PALM2AKAP2: variants seen among roughly 807,000 people sequenced by gnomAD.
PALM2AKAP2 encodes PALM2-AKAP2 fusion protein.
A neutral mutation model predicts 71.5 loss-of-function variants in PALM2AKAP2; 37 were observed. That is an observed-to-expected ratio of 0.52 (90% CI 0.40 to 0.68). The LOEUF is 0.68. Among genes scored for constraint, PALM2AKAP2 ranks in the 30% least tolerant of loss-of-function variants. The pLI is 0.00. For missense variants in PALM2AKAP2, 1,224 were observed against 1,191.8 expected, an observed-to-expected ratio of 1.03 and a Z score of -0.40; for synonymous variants, 468 against 478.8, an observed-to-expected ratio of 0.98 and a Z score of 0.29.
At chr9:109,786,807 A>C (rs1232656138) in intron 1 of PALM2AKAP2, among the ~76,000 whole-genome samples, 1 of 152,068 alleles carries the variant, frequency 6.6e-6, no homozygotes, top group Non-Finnish European at 1.5e-5. Flanking sequence ...TGGAAAAAAA[A>C]AGTCATCATA....
chr9:109,893,908 CA>C (rs1169834834), intron 3 of PALM2AKAP2, among the ~76,000 whole-genome samples: 2 of 151,966 alleles, frequency 1.3e-5, no homozygotes, highest in Non-Finnish European at 2.9e-5. Flanking sequence ...TGCAGCAAGC[CA>C]CCATGGTACA....
intron 1 of PALM2AKAP2, among the ~76,000 whole-genome samples, chr9:109,687,446 C>T (rs1414855296): frequency 2.0e-5 from 3 of 152,220 alleles, no homozygotes. Flanking sequence ...GCACTTGCTA[C>T]TTTGTCTTGC....
chr9:109,935,269 A>G (rs1424634178), intron 6 of PALM2AKAP2, among the ~76,000 whole-genome samples: 3 of 152,232 alleles, frequency 2.0e-5, no homozygotes, highest in Admixed American at 2.0e-4. Context: ...TCAAATCTGA[A>G]AAAGCAATCT....
At chr9:109,960,772 C>T (rs1385580996) in intron 6 of PALM2AKAP2, among the ~76,000 whole-genome samples, 3 of 152,160 alleles carry the variant, frequency 2.0e-5, no homozygotes, top group Non-Finnish European at 4.4e-5. Context: ...GTGCAGGTAG[C>T]CATGGGTCTT....
chr9:110,027,175 C>T (rs1027359884), intron 7 of PALM2AKAP2, among the ~76,000 whole-genome samples: 3 of 152,158 alleles, frequency 2.0e-5, no homozygotes, highest in African/African-American at 4.8e-5. Context: ...CGTGAACTGT[C>T]CAGGACCCTC....
intron 6 of PALM2AKAP2, among the ~76,000 whole-genome samples, chr9:109,933,066 C>A (rs1344556849): frequency 6.6e-6 from 1 of 152,214 alleles, no homozygotes; most frequent in Admixed American, 6.5e-5. Context: ...ATCTGTTGGG[C>A]ATCTCTGTAA....
At chr9:109,971,508 C>T (rs773884333) in intron 6 of PALM2AKAP2, among the ~76,000 whole-genome samples, 16 of 151,914 alleles carry the variant, frequency 1.1e-4, no homozygotes, top group Non-Finnish European at 2.1e-4. Context: ...TCACTGCAAC[C>T]TCCCACTCCC....
chr9:109,676,956 A>T (rs1028943829), intron 1 of PALM2AKAP2, among the ~76,000 whole-genome samples: 1 of 152,124 alleles, frequency 6.6e-6, no homozygotes, highest in South Asian at 2.1e-4. Flanking sequence ...TTTGGCAAAA[A>T]CATTTCAGAG....
intron 2 of PALM2AKAP2, chr9:110,148,731 G>T (rs1284346076): frequency 6.6e-6 from 1 of 152,184 alleles, no homozygotes; most frequent in Non-Finnish European, 1.5e-5. Context: ...GTTCAGTTTG[G>T]TTTTTAAATA....
chr9:109,942,545 G>A (rs1026468821), intron 6 of PALM2AKAP2: 105 of 845,432 alleles, frequency 1.2e-4, no homozygotes, highest in Non-Finnish European at 1.8e-4. Flanking sequence ...TTCACAGTGC[G>A]CACCTCACTC....
chr9:109,917,783 C>T (rs138759155), intron 3 of PALM2AKAP2, among the ~76,000 whole-genome samples: 34 of 152,282 alleles, frequency 2.2e-4, no homozygotes, highest in African/African-American at 7.7e-4. Flanking sequence ...CATGAGCCAC[C>T]GCACCCAGCC....
At chr9:109,795,895 C>T (rs980367085) in intron 1 of PALM2AKAP2, among the ~76,000 whole-genome samples, 3 of 152,134 alleles carry the variant, frequency 2.0e-5, no homozygotes, top group Non-Finnish European at 2.9e-5. Flanking sequence ...GCCATATGGG[C>T]GAGCAGAGGT....
chr9:109,790,665 C>T (rs1472200265), intron 1 of PALM2AKAP2, among the ~76,000 whole-genome samples: 2 of 152,182 alleles, frequency 1.3e-5, no homozygotes, highest in African/African-American at 4.8e-5. Flanking sequence ...GTGGCATGAA[C>T]TCAGTCAGCT....
chr9:109,881,376 G>C (rs1829846266), intron 3 of PALM2AKAP2, among the ~76,000 whole-genome samples: 1 of 152,114 alleles, frequency 6.6e-6, no homozygotes, highest in Admixed American at 6.5e-5. Flanking sequence ...TCCTCCTTCG[G>C]GTCAGGTTGT....
chr9:110,002,185 T>C (rs1832694356), intron 6 of PALM2AKAP2, among the ~76,000 whole-genome samples: 1 of 152,162 alleles, frequency 6.6e-6, no homozygotes, highest in African/African-American at 2.4e-5. Flanking sequence ...TTGAGATACG[T>C]CCCATCAATA....
intron 6 of PALM2AKAP2, among the ~76,000 whole-genome samples, chr9:109,971,362 T>C (rs1488321722): frequency 1.4e-5 from 2 of 146,218 alleles, no homozygotes; most frequent in Non-Finnish European, 3.0e-5. Context: ...GTGTTCATAG[T>C]GTTTCCAAGC....
chr9:109,948,186 T>C (rs1031271686), intron 6 of PALM2AKAP2, among the ~76,000 whole-genome samples: 3 of 152,196 alleles, frequency 2.0e-5, no homozygotes, highest in African/African-American at 7.2e-5. Context: ...TGTGTTTTCA[T>C]AGCTTCAGCA....
intron 1 of PALM2AKAP2, among the ~76,000 whole-genome samples, chr9:109,682,202 C>T (rs180700158): frequency 6.6e-5 from 10 of 152,306 alleles, no homozygotes; most frequent in East Asian, 3.9e-4. Context: ...TGAAGGCTGG[C>T]AGCTTAATGT....
chr9:109,864,778 C>T (rs914533279), intron 1 of PALM2AKAP2, among the ~76,000 whole-genome samples: 1 of 152,114 alleles, frequency 6.6e-6, no homozygotes, highest in Non-Finnish European at 1.5e-5. Context: ...TGTATCAGCC[C>T]CTATTAATCC....
Sources: allele counts gnomAD v4.1 joint callset (sites outside exome capture counted in the v4.1 genomes callset), GRCh38; gene constraint gnomAD v4.1.1; transcripts MANE v1.5; gene names NCBI Gene and HGNC (gene_info 2026-07-23, HGNC 2026-07-21).